Variants in XRN1 observed in about 807,000 individuals in gnomAD.
The protein encoded by XRN1 is strand-exchange protein 1 homolog.
In XRN1, 67 loss-of-function variants were observed where a neutral mutation model predicts 222.3. The ratio of observed to expected loss-of-function variants is 0.30; its 90% CI spans 0.25 to 0.37. The LOEUF (loss-of-function observed/expected upper bound fraction) is 0.37, where lower values mean the gene tolerates loss of function less well. XRN1 is among the 10% of genes least tolerant of loss of function. The probability of loss-of-function intolerance (pLI) is 1.00; values close to 1 mark genes in which losing one functional copy is unlikely to be tolerated. For missense variants in XRN1, 1,707 were observed against 2,000.2 expected, an observed-to-expected ratio of 0.85 and a Z score of 2.80; for synonymous variants, 643 against 652.4, an observed-to-expected ratio of 0.99 and a Z score of 0.22.
At chr3:142,386,040 T>C (rs1438413591) in intron 20 of XRN1, among the ~76,000 whole-genome samples, 1 of 151,878 alleles carries the variant, frequency 6.6e-6, no homozygotes, top group African/African-American at 2.4e-5. Context: ...ACTTTAATAA[T>C]GTTGTCTATG....
intron 2 of XRN1, among the ~76,000 whole-genome samples, chr3:142,431,495 A>C (rs1158130836): frequency 6.6e-6 from 1 of 151,990 alleles, no homozygotes; most frequent in Non-Finnish European, 1.5e-5. Flanking sequence ...AGCCTGGCCA[A>C]CAGAGTGAAA....
At chr3:142,345,938 A>AACCTATTGTCAAAGAG (rs2066132791) in intron 33 of XRN1, among the ~76,000 whole-genome samples, 1 of 152,230 alleles carries the variant, frequency 6.6e-6, no homozygotes, top group Non-Finnish European at 1.5e-5. Flanking sequence ...CCCTGGTGCA[A>AACCTATTGTCAAAGAG]AGGTAAAATG....
chr3:142,431,957 T>TATATA (rs1225164530), intron 2 of XRN1, among the ~76,000 whole-genome samples: 1 of 98,552 alleles, frequency 1.0e-5, no homozygotes, highest in Non-Finnish European at 1.9e-5. Flanking sequence ...TAATATATTA[T>TATATA]ATATAATATA....
At chr3:142,443,318 A>G (rs996251128) in intron 1 of XRN1, among the ~76,000 whole-genome samples, 19 of 152,168 alleles carry the variant, frequency 1.2e-4, no homozygotes, top group Non-Finnish European at 2.5e-4. Context: ...TTTCCTGCTG[A>G]GAGTGGGGAC....
At chr3:142,376,706 G>T in intron 23 of XRN1, 112 bp from the exon 24 acceptor site, 2 of 773,068 alleles carry the variant, frequency 2.6e-6, no homozygotes, top group Non-Finnish European at 4.1e-6. Flanking sequence ...CCATTGGATT[G>T]TGGCAATATA....
At chr3:142,397,057 C>T (rs960976971) in intron 20 of XRN1, among the ~76,000 whole-genome samples, 28 of 152,122 alleles carry the variant, frequency 1.8e-4, no homozygotes, top group Admixed American at 1.0e-3. Context: ...CTCTCAAAAT[C>T]AGTCAATGTA....
In XRN1 at chr3:142,436,710, T is replaced by C. The variant is rs575497811; in HGVS notation, c.76-3817A>G. Among the ~76,000 whole-genome samples, 6 of 152,286 alleles carry C rather than the reference T, an allele frequency of 3.9e-5. No homozygotes were observed. In the East Asian group the frequency reaches 1.2e-3, roughly 29 times the overall value. On this transcript the variant is annotated intron_variant, in intron 1 of 40. Coordinates refer to ENST00000392981, the MANE Select transcript of XRN1 (RefSeq NM_001282857.2). ...CAGCAATTACAAATTATGAAATAGA[T>C]TCATATTTGGCATGGAATAATATGC...
intron 15 of XRN1, among the ~76,000 whole-genome samples, chr3:142,409,583 T>A (rs1422985843): frequency 6.6e-6 from 1 of 152,230 alleles, no homozygotes; most frequent in African/African-American, 2.4e-5. Context: ...ATGGTTAGTC[T>A]GGAAATCAGG....
At chr3:142,419,203 T>C (rs776784138) in intron 10 of XRN1, among the ~76,000 whole-genome samples, 4 of 152,178 alleles carry the variant, frequency 2.6e-5, no homozygotes, top group Non-Finnish European at 5.9e-5. Flanking sequence ...TAGCTGCATA[T>C]GGCTGGAAGA....
intron 1 of XRN1, among the ~76,000 whole-genome samples, chr3:142,442,300 T>C (rs1032242114): frequency 6.6e-6 from 1 of 151,904 alleles, no homozygotes; most frequent in African/African-American, 2.4e-5. Context: ...GCCGGGGTCA[T>C]CAGAAAGGAA....
In XRN1 at chr3:142,425,443, A is replaced by G; in HGVS notation, c.502T>C (p.Phe168Leu). Residue 168 changes from phenylalanine to leucine, a missense_variant, in exon 4 of 41, where the codon TTC becomes CTC. By Grantham distance (22) the Phe-to-Leu change is conservative (BLOSUM62 0). Transcript: ENST00000392981. Reference protein sequence around the residue: ...DKSWQGVTIYFSGHETPGEGE... With the variant: ...DKSWQGVTIYLSGHETPGEGE... ...AAGATAATAACCTCATGGCCTGAGA[A>G]GTAGATGGTAACTCCTTGCCATGAC... The G allele has an allele frequency of 6.2e-7, 1 of 1,612,160 alleles. No individual in the cohort carries two copies. Among genetic ancestry groups the G allele is most frequent in the Non-Finnish European group, 8.5e-7 (1 of 1,178,870 alleles).
At chr3:142,391,045 T>C (rs759013493) in intron 20 of XRN1, among the ~76,000 whole-genome samples, 4 of 152,134 alleles carry the variant, frequency 2.6e-5, no homozygotes, top group Non-Finnish European at 4.4e-5. Context: ...ACAATTACAA[T>C]AGTAACATTA....
chr3:142,377,486 A>C (rs2067179158), intron 23 of XRN1, among the ~76,000 whole-genome samples: 1 of 152,184 alleles, frequency 6.6e-6, no homozygotes, highest in Admixed American at 6.5e-5. Flanking sequence ...GTGTAGAGGC[A>C]CATTTAATTA....
At chr3:142,373,990 A>C (rs773170400) in intron 25 of XRN1, among the ~76,000 whole-genome samples, 2 of 152,140 alleles carry the variant, frequency 1.3e-5, no homozygotes, top group Non-Finnish European at 2.9e-5. Context: ...AAACAAAGCA[A>C]AACAAAAATA....
intron 39 of XRN1, 121 bp downstream of exon 39, chr3:142,318,471 T>C (rs946993564): frequency 3.3e-6 from 3 of 921,982 alleles, no homozygotes; most frequent in South Asian, 3.4e-5. Context: ...GCTGTGGCTT[T>C]AGGCTTTCTC....
chr3:142,315,055 C>T (rs1229704614), intron 39 of XRN1, among the ~76,000 whole-genome samples: 2 of 150,742 alleles, frequency 1.3e-5, no homozygotes, highest in Non-Finnish European at 3.0e-5. Flanking sequence ...CTGCCTCAAC[C>T]TCCTGAATAG....
chr3:142,369,071 G>C (rs938739514), intron 27 of XRN1, among the ~76,000 whole-genome samples: 1 of 152,170 alleles, frequency 6.6e-6, no homozygotes, highest in Non-Finnish European at 1.5e-5. Flanking sequence ...CAGGGTGTTA[G>C]GGGAGACAGC....
chr3:142,421,581 G>T, intron 8 of XRN1, 38 bp from the exon 9 acceptor site: 1 of 1,457,868 alleles, frequency 6.9e-7, no homozygotes, highest in South Asian at 1.2e-5. Flanking sequence ...ACTAAAAGCT[G>T]ACATTTTTTC....
chr3:142,426,643 A>G (rs965590719), intron 3 of XRN1, 101 bp downstream of exon 3: 2 of 1,165,652 alleles, frequency 1.7e-6, no homozygotes, highest in Admixed American at 2.3e-5. Context: ...ATGGAACCCT[A>G]AGGCCAAAAT....
Sources: allele counts gnomAD v4.1 joint callset (sites outside exome capture counted in the v4.1 genomes callset), GRCh38; gene constraint gnomAD v4.1.1; transcripts MANE v1.5; gene names NCBI Gene and HGNC (gene_info 2026-07-23, HGNC 2026-07-21).